COL6A3: variants seen among roughly 807,000 people sequenced by gnomAD.
COL6A3 encodes the protein collagen alpha-3(VI) chain.
COL6A3 carries 137 observed loss-of-function variants against 274.1 expected under a neutral mutation model. The observed-to-expected ratio is 0.50, with a 90% CI of 0.44 to 0.58. COL6A3 has a LOEUF of 0.58. Among genes scored for constraint, COL6A3 ranks in the 20% least tolerant of loss-of-function variants. The pLI is 0.00. For synonymous variants in COL6A3, 1,650 were observed against 1,650.6 expected (o/e 1.00, Z 0.01); for missense variants, 3,950 against 4,124.9 (o/e 0.96, Z 1.16).
intron 3 of COL6A3, among the ~76,000 whole-genome samples, chr2:237,393,385 C>G (rs928787938): frequency 6.6e-6 from 1 of 152,214 alleles, no homozygotes; most frequent in Non-Finnish European, 1.5e-5. Context: ...CTCCAAGCCC[C>G]CAAGCCCCAC....
intron 3 of COL6A3, among the ~76,000 whole-genome samples, chr2:237,391,504 C>CTGTTTGTTTGTTTGTT (rs200150873): frequency 1.3e-5 from 2 of 150,050 alleles, no homozygotes; most frequent in Admixed American, 6.6e-5. Context: ...GTCCCTTTCA[C>CTGTTTGTTTGTTTGTT]TGTTTGTTTG....
At chr2:237,410,616 A>G (rs982278606) in intron 1 of COL6A3, among the ~76,000 whole-genome samples, 1 of 152,224 alleles carries the variant, frequency 6.6e-6, no homozygotes, top group South Asian at 2.1e-4. Flanking sequence ...TCAAAATTTC[A>G]TCTCTTTCCC....
chr2:237,342,062 T>C lies in COL6A3; in HGVS notation c.7765+3A>G. 6.2e-7 allele frequency: 1 copy of C among 1,613,820 alleles called. No homozygotes were observed. The highest frequency in any genetic ancestry group is 8.5e-7 in the Non-Finnish European group (1 of 1,179,732). ...AGATCTTCCTGTTAGAGAAACAGCT[T>C]ACCCAAGCAAACATGACACGTGAGG... On this transcript the variant is annotated splice_donor_region_variant and intron_variant, in intron 37 of 43. Coordinates refer to ENST00000295550, the MANE Select transcript of COL6A3 (RefSeq NM_004369.4).
Position 237,372,189 on chromosome 2 carries a change from G to A in COL6A3, c.3828C>T (p.Phe1276=). The A allele has an allele frequency of 2.5e-6, 4 of 1,614,130 alleles. 1 individual carries two copies. Among genetic ancestry groups the A allele is most frequent in the Non-Finnish European group, 3.4e-6 (4 of 1,180,036 alleles). Residue 1276 remains phenylalanine, a synonymous_variant, in exon 9 of 44, where the codon TTC becomes TTT. Coordinates refer to ENST00000295550, the MANE Select transcript of COL6A3 (RefSeq NM_004369.4). The stretch of plus-strand genomic sequence containing the variant: ...GGAACTCCACCTTGGGGTCATCGCT[G>A]AACTGGATGACAGCCACCCGGGTGG... ...FDTTRVAVIQ[F]SDDPKVEFLL...
rs760717002 is a variant in COL6A3 at position 237,367,007 on chromosome 2, C to T, written c.5180G>A (p.Arg1727Gln). 96 of 1,614,128 alleles carry T rather than the reference C, an allele frequency of 5.9e-5. No homozygotes were observed. The highest frequency in any genetic ancestry group is 1.1e-4 in the African/African-American group (8 of 74,952). ...ANTKVGLEHL[R>Q]VNHFVPEAGS... ...TGCCTCAGGCACAAAGTGGTTTACC[C>T]GCAGGTGCTCAAGGCCCACCTTAGT... Residue 1727 changes from arginine to glutamine, a missense_variant, in exon 11 of 44, where the codon CGG becomes CAG. This residue lies in a region of COL6A3 where 632 missense variants were observed against 623.4 expected (regional missense o/e 1.01). Transcript: ENST00000295550.
At chr2:237,360,238 G>C (rs972430115) in intron 16 of COL6A3, 79 bp from the exon 17 acceptor site, 34 of 1,384,362 alleles carry the variant, frequency 2.5e-5, no homozygotes, top group Non-Finnish European at 3.2e-5. Context: ...GCAGCGTAAA[G>C]GGTACTGTGA....
rs751899542 is a variant in COL6A3, at chr2:237,359,022, G to A, written c.6408+13C>T. The A allele has an allele frequency of 3.7e-6, 6 of 1,612,540 alleles. No homozygotes were observed. Among genetic ancestry groups the A allele is most frequent in the Non-Finnish European group, 5.1e-6 (6 of 1,178,714 alleles). ...TTCTTTCCATAATAGCACCACCGTG[G>A]AAATACACCTACCCTTCTTCCAGGA... is the stretch of plus-strand genomic sequence containing the variant. On this transcript the variant is annotated intron_variant, in intron 20 of 43. Transcript: ENST00000295550.
chr2:237,377,316 A>C lies in COL6A3; in HGVS notation c.2526T>G (p.Phe842Leu). The C allele has an allele frequency of 6.2e-7, 1 of 1,600,968 alleles. No homozygotes were observed. Among genetic ancestry groups the C allele is most frequent in the African/African-American group, 1.3e-5 (1 of 75,048 alleles). ...PESKRDILFL[F>L]DGSANLVGQF... ...GGCCCACAAGATTGGCTGAGCCGTC[A>C]AAGAGGAACAGAATGTCTCGCTTGC... Residue 842 changes from phenylalanine to leucine, a missense_variant, in exon 7 of 44, where the codon TTT (phenylalanine) becomes TTG (leucine). Around this residue, in one of 5 missense-constraint regions of COL6A3, gnomAD observed 1,934 missense variants for 1,984.3 expected, o/e 0.97. Coordinates refer to ENST00000295550, the MANE Select transcript of COL6A3 (RefSeq NM_004369.4).
At position 237,375,025 on chromosome 2, in the gene COL6A3, G is replaced by A. The variant is rs2077799458; in HGVS notation, c.3071-5C>T. 1.9e-6 allele frequency: 3 copies of A among 1,613,294 alleles called. No homozygotes were observed. Among genetic ancestry groups the A allele is most frequent in the Middle Eastern group, 1.6e-4 (1 of 6,062 alleles). ...CCACGTCCTTTTCACCTGAAACTGGGAGGAGGACAGCCTGGTAACTCACAC... is the reference window on the plus strand; with the variant it reads ...CCACGTCCTTTTCACCTGAAACTGGAAGGAGGACAGCCTGGTAACTCACAC... On this transcript the variant is annotated splice_region_variant and splice_polypyrimidine_tract_variant and intron_variant, in intron 7 of 43. Coordinates refer to ENST00000295550, the MANE Select transcript of COL6A3 (RefSeq NM_004369.4).
rs533693793 is a variant in COL6A3 at position 237,357,981 on chromosome 2, C to A, written c.6472-99G>T. On this transcript the variant is annotated intron_variant, in intron 21 of 43. Coordinates refer to ENST00000295550, the MANE Select transcript of COL6A3 (RefSeq NM_004369.4). Reference sequence around the variant, plus strand: ...GGAAATATTAGCAAGGACCTGCATGCAAGGCTTCGAGGGACAAGCCCTTCG... The same window carrying A: ...GGAAATATTAGCAAGGACCTGCATGAAAGGCTTCGAGGGACAAGCCCTTCG... The A allele has an allele frequency of 7.9e-4, 894 of 1,138,124 alleles. 1 individual carries two copies. The highest frequency in any genetic ancestry group is 1.1e-3 in the Non-Finnish European group (807 of 746,118). 70.5% of individuals were successfully genotyped at this position (1,138,124 alleles called of 1,614,324 possible). A position where few individuals can be genotyped will look rare whatever the true frequency, so the allele number is the denominator to read the frequency against.
chr2:237,380,794 G>T, intron 5 of COL6A3, 121 bp downstream of exon 5: 2 of 902,178 alleles, frequency 2.2e-6, no homozygotes, highest in Non-Finnish European at 3.5e-6. Context: ...CATGTTCGTT[G>T]CTGCTGTTTT....
chr2:237,363,456 CT>C, intron 13 of COL6A3, 58 bp from the exon 14 acceptor site: 2 of 1,593,922 alleles, frequency 1.3e-6, no homozygotes, highest in Non-Finnish European at 1.7e-6. Context: ...ATGCAATGTC[CT>C]TTTTTCCTGA....
At position 237,371,607 on chromosome 2, in the gene COL6A3, A is replaced by G; in HGVS notation, c.4285+125T>C. The G allele has an allele frequency of 1.3e-6, 2 of 1,494,252 alleles. No homozygotes were observed. Among genetic ancestry groups the G allele is most frequent in the Non-Finnish European group, 1.8e-6 (2 of 1,129,146 alleles). The allele number at this position is 1,494,252 out of a possible 1,614,324, so 92.6% of individuals were successfully genotyped here. On this transcript the variant is annotated intron_variant, in intron 9 of 43. Coordinates refer to ENST00000295550, the MANE Select transcript of COL6A3 (RefSeq NM_004369.4). This position sits in a 1 kb window ranked among gnomAD's most constrained non-coding sequence, Gnocchi z 4.3. ...AGCCAGACCCTGTCTCAAAATAAAA[A>G]CCATAAAGGTAAGGGCATACAACCT...
In COL6A3 at chr2:237,366,753, C is replaced by T. The variant is rs1447295665; in HGVS notation, c.5434G>A (p.Val1812Ile). 6.2e-7 allele frequency: 1 copy of T among 1,614,294 alleles called. No homozygotes were observed. The highest frequency in any genetic ancestry group is 8.5e-7 in the Non-Finnish European group (1 of 1,180,060). ...VQELSELSEQVLETLHDAMHE... is the reference protein window; with the variant it reads ...VQELSELSEQILETLHDAMHE... ...ATCGCATCATGCAAAGTTTCCAAAA[C>T]TTGCTCGCTCAGTTCGGACAGCTCC... The change falls in exon 11 of 44, where the codon GTT (valine) becomes ATT (isoleucine). Residue 1812 changes from valine to isoleucine, a missense_variant. By Grantham distance (29) the Val-to-Ile change is conservative. Around this residue, in one of 5 missense-constraint regions of COL6A3, gnomAD observed 632 missense variants for 623.4 expected, o/e 1.01. Coordinates refer to ENST00000295550, the MANE Select transcript of COL6A3 (RefSeq NM_004369.4).
intron 3 of COL6A3, among the ~76,000 whole-genome samples, 194 bp downstream of exon 3, chr2:237,394,393 T>C (rs927376505): frequency 6.6e-6 from 1 of 152,248 alleles, no homozygotes; most frequent in African/African-American, 2.4e-5. Context: ...TCTTCTTGTA[T>C]GTAGGTGAAT....
Position 237,378,976 on chromosome 2 carries a change from T to G in COL6A3, c.2157A>C (p.Thr719=), listed in dbSNP as rs1348220101. ...CATAGACATAGCTTAGGGCTGAGCC[T>G]GTGTTCAGGCCCGAACCTCCCTGGA... is the stretch of plus-strand genomic sequence containing the variant. ...LQLQGGSGLN[T]GSALSYVYAN... Residue 719 remains threonine, a synonymous_variant, in exon 6 of 44, where the codon ACA becomes ACC. Transcript: ENST00000295550. 6.2e-7 allele frequency: 1 copy of G among 1,614,210 alleles called. No homozygotes were observed. Among genetic ancestry groups the G allele is most frequent in the Non-Finnish European group, 8.5e-7 (1 of 1,180,030 alleles).
intron 1 of COL6A3, among the ~76,000 whole-genome samples, chr2:237,401,690 A>ATT (rs60843699): frequency 6.7e-6 from 1 of 148,348 alleles, no homozygotes; most frequent in African/African-American, 2.5e-5. Flanking sequence ...TTATACTGTA[A>ATT]TTTTTTTTTT....
intron 3 of COL6A3, among the ~76,000 whole-genome samples, chr2:237,392,931 C>T (rs1377290143): frequency 1.3e-5 from 2 of 152,178 alleles, no homozygotes; most frequent in Non-Finnish European, 2.9e-5. Context: ...CAGAGGTCTC[C>T]CTGTCTACAC....
At chr2:237,355,959 T>C (rs1043110687) in intron 23 of COL6A3, among the ~76,000 whole-genome samples, 2 of 152,152 alleles carry the variant, frequency 1.3e-5, no homozygotes, top group African/African-American at 4.8e-5. Context: ...AGAGGCCGCC[T>C]GCGGAGACTC....
Sources: gnomAD v4.1 joint callset for allele counts (sites outside exome capture counted in the v4.1 genomes callset) on GRCh38, gnomAD v4.1.1 for gene constraint, gnomAD v4.1.1 regional missense constraint, Gnocchi (gnomAD v3.1) non-coding constraint, MANE v1.5 for transcripts, NCBI Gene and HGNC (gene_info 2026-07-23, HGNC 2026-07-21) for gene names.